The following GRM7 variants were observed in gnomAD, a reference collection of about 807,000 sequenced individuals.
GRM7 encodes glutamate metabotropic receptor 7.
A neutral mutation model predicts 84.5 loss-of-function variants in GRM7; 35 were observed. The ratio of observed to expected loss-of-function variants is 0.41; its 90% confidence interval spans 0.32 to 0.55. GRM7 has a LOEUF of 0.55. Among genes scored for constraint, GRM7 ranks in the 20% least tolerant of loss-of-function variants. GRM7 has a pLI of 0.19. For synonymous variants in GRM7, 487 were observed against 455.1 expected (o/e 1.07, Z -0.89); for missense variants, 1,003 against 1,194.6 (o/e 0.84, Z 2.36).
intron 1 of GRM7, among the ~76,000 whole-genome samples, chr3:6,984,759 A>G (rs1222978220): frequency 6.6e-6 from 1 of 152,124 alleles, no homozygotes; most frequent in African/African-American, 2.4e-5. Context: ...CAGTGATATG[A>G]GGTCAGAGTT....
At chr3:7,546,777 G>T (rs1693176549) in intron 7 of GRM7, among the ~76,000 whole-genome samples, 2 of 151,914 alleles carry the variant, frequency 1.3e-5, no homozygotes, top group African/African-American at 4.8e-5. Flanking sequence ...TGCACAATAA[G>T]AGCATTTGTT....
At chr3:6,882,486 C>T (rs1216168553) in intron 1 of GRM7, among the ~76,000 whole-genome samples, 1 of 152,050 alleles carries the variant, frequency 6.6e-6, no homozygotes, top group Non-Finnish European at 1.5e-5. Context: ...TTCCAGGCTG[C>T]CATGGGCTAT....
At chr3:7,515,057 T>C (rs1700328060) in intron 7 of GRM7, among the ~76,000 whole-genome samples, 1 of 152,076 alleles carries the variant, frequency 6.6e-6, no homozygotes. Flanking sequence ...CTTAGGTTTT[T>C]CCATGTGTAA....
chr3:7,661,724 G>C (rs143878679), intron 8 of GRM7, among the ~76,000 whole-genome samples: 13 of 145,444 alleles, frequency 8.9e-5, no homozygotes, highest in Admixed American at 8.5e-4. Flanking sequence ...AACTCGGGAG[G>C]CAGAGCTGGC....
chr3:7,040,224 ACTCATCAC>A (rs1696543871), intron 1 of GRM7, among the ~76,000 whole-genome samples: 1 of 152,052 alleles, frequency 6.6e-6, no homozygotes, highest in South Asian at 2.1e-4. Flanking sequence ...AACATTGATA[ACTCATCAC>A]CTCTTGTAAC....
chr3:6,902,011 G>T (rs1696404499), intron 1 of GRM7, among the ~76,000 whole-genome samples: 1 of 151,998 alleles, frequency 6.6e-6, no homozygotes, highest in Non-Finnish European at 1.5e-5. Flanking sequence ...AAGATAAGAT[G>T]TATGGGGATT....
intron 1 of GRM7, among the ~76,000 whole-genome samples, chr3:7,022,748 G>C (rs1695826285): frequency 6.6e-6 from 1 of 152,136 alleles, no homozygotes; most frequent in African/African-American, 2.4e-5. Context: ...TATAGCCAGG[G>C]CAGCAGAAAC....
chr3:7,451,585 T>C (rs939111794), intron 5 of GRM7, among the ~76,000 whole-genome samples: 7 of 152,122 alleles, frequency 4.6e-5, no homozygotes, highest in Non-Finnish European at 7.4e-5. Flanking sequence ...GAAAAGAATG[T>C]GGGCTTTGGG....
At chr3:7,028,713 T>A (rs1401661415) in intron 1 of GRM7, among the ~76,000 whole-genome samples, 1 of 152,156 alleles carries the variant, frequency 6.6e-6, no homozygotes, top group African/African-American at 2.4e-5. Flanking sequence ...ATCAACATGA[T>A]CTCAGTCAGT....
At chr3:6,954,284 A>G (rs1435820333) in intron 1 of GRM7, among the ~76,000 whole-genome samples, 1 of 152,188 alleles carries the variant, frequency 6.6e-6, no homozygotes, top group Non-Finnish European at 1.5e-5. Context: ...GTTGTTAACT[A>G]TAGTCACCCT....
chr3:7,294,352 C>G (rs1284428689), intron 2 of GRM7, among the ~76,000 whole-genome samples: 1 of 152,048 alleles, frequency 6.6e-6, no homozygotes, highest in Non-Finnish European at 1.5e-5. Flanking sequence ...TTTCTTCTCC[C>G]CAGGAGTCCC....
chr3:6,870,658 G>A (rs1245529685), intron 1 of GRM7, among the ~76,000 whole-genome samples: 3 of 152,118 alleles, frequency 2.0e-5, no homozygotes, highest in Non-Finnish European at 4.4e-5. Context: ...CAGAGAAGAG[G>A]CATTTCCAGG....
Position 7,662,793 on chromosome 3 carries a change from T to C in GRM7, c.2452-17256T>C, listed in dbSNP as rs753628188. ...GTTCTTTGTCCTATGTCAAATTTTC[T>C]GAAAAATTTTTAAGTATTCAAAATA... On this transcript the variant is annotated intron_variant, in intron 8 of 9. Coordinates refer to ENST00000357716, the MANE Select transcript of GRM7 (RefSeq NM_000844.4). 3.7e-4 allele frequency among the ~76,000 whole-genome samples: 57 copies of C among 152,348 alleles called. No homozygotes were observed. In the Middle Eastern group the frequency reaches 0.01, roughly 27 times the overall value.
intron 5 of GRM7, among the ~76,000 whole-genome samples, chr3:7,444,274 A>G (rs753306696): frequency 1.3e-5 from 2 of 152,170 alleles, no homozygotes; most frequent in Non-Finnish European, 2.9e-5. Flanking sequence ...ACAGGCATCT[A>G]TAGAGACATT....
At chr3:7,615,674 C>A (rs1397190557) in intron 8 of GRM7, among the ~76,000 whole-genome samples, 1 of 151,870 alleles carries the variant, frequency 6.6e-6, no homozygotes, top group East Asian at 1.9e-4. Context: ...AAACCAAAGC[C>A]TGAATTTTAT....
intron 1 of GRM7, among the ~76,000 whole-genome samples, chr3:6,995,167 G>A (rs756375679): frequency 1.3e-5 from 2 of 152,112 alleles, no homozygotes; most frequent in South Asian, 2.1e-4. Flanking sequence ...TTTTTGTCAC[G>A]AGACATGAGT....
rs557732937 is a variant in GRM7 at position 7,283,334 on chromosome 3, G to A, written c.737-15350G>A. Among the ~76,000 whole-genome samples the A allele has an allele frequency of 1.9e-4, 29 of 152,138 alleles. No individual in the cohort carries two copies. In the South Asian group the frequency reaches 3.5e-3, roughly 19 times the overall value. ...TTTGTGAGTTTAAGTTAGATAATGC[G>A]TATAAAGTAGCTGATGCAAAGCCTG... is the stretch of plus-strand genomic sequence containing the variant. On this transcript the variant is annotated intron_variant, in intron 2 of 9. Transcript: ENST00000357716.
chr3:7,009,372 C>T (rs534435997), intron 1 of GRM7, among the ~76,000 whole-genome samples: 1 of 152,252 alleles, frequency 6.6e-6, no homozygotes, highest in Non-Finnish European at 1.5e-5. Context: ...TTCATAAACC[C>T]ATTTTAAAAA....
At chr3:7,276,608 C>T (rs1030495305) in intron 2 of GRM7, among the ~76,000 whole-genome samples, 1 of 151,800 alleles carries the variant, frequency 6.6e-6, no homozygotes, top group African/African-American at 2.4e-5. Flanking sequence ...CTTTTAAAAT[C>T]CTAATTGTGA....
Sources: gnomAD v4.1 joint callset for allele counts (sites outside exome capture counted in the v4.1 genomes callset) on GRCh38, gnomAD v4.1.1 for gene constraint, MANE v1.5 for transcripts, NCBI Gene and HGNC (gene_info 2026-07-23, HGNC 2026-07-21) for gene names.